Variants in CNBD1 observed in about 807,000 individuals in gnomAD.
CNBD1 encodes cyclic nucleotide binding domain containing 1.
Under a neutral mutation model 54.4 loss-of-function variants are expected in CNBD1, and 71 were observed. The observed-to-expected ratio is 1.30, with a 90% CI of 1.08 to 1.59. The LOEUF is 1.59. Ranked by LOEUF, CNBD1 falls within the 40% of genes most tolerant of loss-of-function variation. The pLI, the probability that CNBD1 is intolerant of heterozygous loss-of-function variation, is 0.00. For missense variants in CNBD1, 659 were observed against 518.0 expected (o/e 1.27, Z -2.64); for synonymous variants, 182 against 170.7 (o/e 1.07, Z -0.51).
intron 4 of CNBD1, among the ~76,000 whole-genome samples, chr8:87,128,615 T>C (rs1209586820): frequency 2.0e-5 from 3 of 152,178 alleles, no homozygotes; most frequent in African/African-American, 7.2e-5. Flanking sequence ...CCTTTTCTGT[T>C]TCTATGAAGA....
At chr8:87,419,873 A>G (rs1347500343) in intron 2 of CNBD1, among the ~76,000 whole-genome samples, 1 of 151,292 alleles carries the variant, frequency 6.6e-6, no homozygotes, top group Non-Finnish European at 1.5e-5. Flanking sequence ...TAATTCGCCC[A>G]TGGTAAACTT....
At chr8:87,347,578 G>T (rs141465010) in intron 8 of CNBD1, among the ~76,000 whole-genome samples, 24 of 152,100 alleles carry the variant, frequency 1.6e-4, no homozygotes, top group African/African-American at 5.1e-4. Flanking sequence ...AGGATGAAAA[G>T]CTAGAAGGAG....
At chr8:87,330,462 C>G (rs1326307759) in intron 8 of CNBD1, among the ~76,000 whole-genome samples, 1 of 151,920 alleles carries the variant, frequency 6.6e-6, no homozygotes, top group South Asian at 2.1e-4. Flanking sequence ...TTTGCTGCAT[C>G]TTATACATTT....
chr8:87,284,057 T>C (rs2130869330), intron 6 of CNBD1, among the ~76,000 whole-genome samples: 1 of 152,180 alleles, frequency 6.6e-6, no homozygotes, highest in East Asian at 1.9e-4. Context: ...CCTAAGAAGC[T>C]CCTCAGCCTC....
At chr8:87,342,676 C>T (rs762273617) in intron 8 of CNBD1, among the ~76,000 whole-genome samples, 56 of 151,998 alleles carry the variant, frequency 3.7e-4, no homozygotes, top group Non-Finnish European at 2.9e-4. Context: ...TTGGTAGGGC[C>T]GTGATGGCGA....
In CNBD1 at chr8:87,284,707, G is replaced by A. The variant is rs567883439; in HGVS notation, c.801G>A (p.Leu267=). The change falls in exon 7 of 11, where the codon CTG becomes CTA. Residue 267 remains leucine (L), a synonymous_variant. Transcript: ENST00000518476. Reference sequence around the variant, plus strand: ...GCAAATGGAGTACCTTTGGGACTCTGGAAGTTATGCCTCAGAATGAATCGG... The same window carrying A: ...GCAAATGGAGTACCTTTGGGACTCTAGAAGTTATGCCTCAGAATGAATCGG... ...MLSKWSTFGT[L]EVMPQNESET... 77 of 1,605,672 alleles carry A rather than the reference G, an allele frequency of 4.8e-5. 2 individuals carry two copies. In the South Asian group the frequency reaches 7.7e-4, roughly 16 times the overall value.
chr8:87,136,160 G>A (rs961387863), intron 4 of CNBD1, among the ~76,000 whole-genome samples: 1 of 151,922 alleles, frequency 6.6e-6, no homozygotes, highest in Admixed American at 6.6e-5. Flanking sequence ...CAACTCAAAA[G>A]CAATGGAAGT....
chr8:86,975,739 A>G (rs2130498896), intron 4 of CNBD1, among the ~76,000 whole-genome samples: 1 of 152,148 alleles, frequency 6.6e-6, no homozygotes, highest in East Asian at 1.9e-4. Flanking sequence ...CGTTGGAGAT[A>G]TACTCAAAAG....
At chr8:87,268,966 C>T (rs1462405714) in intron 6 of CNBD1, among the ~76,000 whole-genome samples, 1 of 151,974 alleles carries the variant, frequency 6.6e-6, no homozygotes, top group Non-Finnish European at 1.5e-5. Context: ...GTTGCAATTA[C>T]CTTTGGGGAC....
intron 2 of CNBD1, among the ~76,000 whole-genome samples, chr8:86,889,983 G>A (rs1035267717): frequency 1.3e-5 from 2 of 151,610 alleles, no homozygotes; most frequent in Non-Finnish European, 2.9e-5. Context: ...TATTTTAATC[G>A]GGAAGTCTTA....
At chr8:86,979,402 C>CAAAAAAAAAAAAAAAAAAAAAAAAA (rs776634552) in intron 4 of CNBD1, among the ~76,000 whole-genome samples, 2 of 10,392 alleles carry the variant, frequency 1.9e-4, no homozygotes, top group Non-Finnish European at 1.5e-4. Flanking sequence ...ATCATCTCTA[C>CAAAAAAAAAAAAAAAAAAAAAAAAA]AAAAAAAAAA....
chr8:87,315,647 T>C (rs1586006077), intron 8 of CNBD1, among the ~76,000 whole-genome samples: 2 of 152,036 alleles, frequency 1.3e-5, no homozygotes, highest in East Asian at 3.9e-4. Flanking sequence ...CCCAAAAACT[T>C]CCCATTAAGC....
rs192871984 is a variant in CNBD1, at chr8:86,949,105, C to T, written c.431+9351C>T. On this transcript the variant is annotated intron_variant, in intron 4 of 10. Coordinates refer to ENST00000518476, the MANE Select transcript of CNBD1 (RefSeq NM_173538.3). The stretch of plus-strand genomic sequence containing the variant: ...GGGTTCTCTGTTCTGTTTCTTTGGT[C>T]TGTGTTTCTGTTTTTATGCCAGTAA... Among the ~76,000 whole-genome samples, 152 of 152,130 alleles carry T rather than the reference C, an allele frequency of 1.0e-3. No individual in the cohort carries two copies. In the Middle Eastern group the frequency reaches 0.017, roughly 17 times the overall value.
At chr8:87,379,920 A>T (rs78681317) in intron 10 of CNBD1, among the ~76,000 whole-genome samples, 1 of 151,342 alleles carries the variant, frequency 6.6e-6, no homozygotes, top group Non-Finnish European at 1.5e-5. Flanking sequence ...ATACTTAAAT[A>T]TGACCAAATG....
At chr8:86,999,082 C>T (rs139629043) in intron 4 of CNBD1, among the ~76,000 whole-genome samples, 1 of 152,360 alleles carries the variant, frequency 6.6e-6, no homozygotes, top group Non-Finnish European at 1.5e-5. Context: ...ATATCATCAA[C>T]TTTCTGAACA....
At chr8:87,119,690 C>A (rs1191615367) in intron 4 of CNBD1, among the ~76,000 whole-genome samples, 1 of 152,000 alleles carries the variant, frequency 6.6e-6, no homozygotes, top group Non-Finnish European at 1.5e-5. Flanking sequence ...CAGTCCTTTT[C>A]CATTAAATAT....
At chr8:87,366,937 G>T (rs917737646) in intron 10 of CNBD1, among the ~76,000 whole-genome samples, 13 of 151,970 alleles carry the variant, frequency 8.6e-5, no homozygotes, top group African/African-American at 2.7e-4. Context: ...CCTTCAAAGA[G>T]TTTTGGATAT....
rs78810155 is a variant in CNBD1, at chr8:87,408,757, A to T, written c.214-19789A>T. Among the ~76,000 whole-genome samples, 10 of 152,222 alleles carry T rather than the reference A, an allele frequency of 6.6e-5. No homozygotes were observed. The South Asian group carries it at 2.1e-3, about 32-fold the overall frequency. On this transcript the variant is annotated intron_variant, in intron 2 of 7. Transcript: ENST00000521593. ...CGTGTCACATGTTAGTAATTCTCTC[A>T]GTAGCTCAAACTTCTCATTATTATT...
chr8:87,050,976 A>G (rs1315192477), intron 4 of CNBD1, among the ~76,000 whole-genome samples: 1 of 152,132 alleles, frequency 6.6e-6, no homozygotes, highest in African/African-American at 2.4e-5. Context: ...TGTTCAGCCA[A>G]TCTTTCCCTG....
Sources: gnomAD v4.1 joint callset for allele counts (sites outside exome capture counted in the v4.1 genomes callset) on GRCh38, gnomAD v4.1.1 for gene constraint, MANE v1.5 for transcripts, NCBI Gene and HGNC (gene_info 2026-07-23, HGNC 2026-07-21) for gene names.